Variants in PLA2G4C observed in about 807,000 individuals in gnomAD.
The protein encoded by PLA2G4C is cytosolic phospholipase A2 gamma.
A neutral mutation model predicts 73.8 loss-of-function variants in PLA2G4C; 64 were observed. The observed-to-expected ratio is 0.87, with a 90% confidence interval of 0.71 to 1.07. PLA2G4C has a LOEUF of 1.07. Among genes scored for constraint, PLA2G4C ranks in the 50% least tolerant of loss-of-function variants. The probability of loss-of-function intolerance (pLI) is 0.00; values close to 1 mark genes in which losing one functional copy is unlikely to be tolerated. For missense variants in PLA2G4C, 622 were observed against 665.4 expected (o/e 0.93, Z 0.72); for synonymous variants, 254 against 252.1 (o/e 1.01, Z -0.07).
intron 16 of PLA2G4C, chr19:48,051,705 A>G (rs998257994): frequency 6.6e-6 from 1 of 151,974 alleles, no homozygotes; most frequent in African/African-American, 2.4e-5. Context: ...CTCTCTTGAC[A>G]TGTGGGGATT....
In PLA2G4C at chr19:48,098,212, C is replaced by T. The variant is rs767685881; in HGVS notation, c.495G>A (p.Gly165=). 3 of 1,613,768 alleles carry T rather than the reference C, an allele frequency of 1.9e-6. No homozygotes were observed. Among genetic ancestry groups the T allele is most frequent in the South Asian group, 2.2e-5 (2 of 91,004 alleles). The change falls in exon 6 of 17, where the codon GGG becomes GGA. Residue 165 remains glycine, a synonymous_variant. Transcript: ENST00000599921. ...LSNMKKPVEE[G]TLPYPIFAAI... ...CTGCAAATATTGGGTAGGGTAGTGT[C>T]CCTTCTTCCACGGGCTTCTTCATAT...
chr19:48,088,040 CAT>C (rs2031086141), intron 9 of PLA2G4C, among the ~76,000 whole-genome samples: 3 of 152,196 alleles, frequency 2.0e-5, no homozygotes, highest in African/African-American at 4.8e-5. Context: ...CATTTACTCA[CAT>C]GTTTTGGCCA....
At chr19:48,063,331 G>A (rs376648933) in intron 13 of PLA2G4C, among the ~76,000 whole-genome samples, 23 of 151,974 alleles carry the variant, frequency 1.5e-4, no homozygotes, top group African/African-American at 4.3e-4. Flanking sequence ...CGTGAGCCAC[G>A]GGCCGGCCAA....
chr19:48,085,200 A>C, intron 9 of PLA2G4C, 88 bp from the exon 10 acceptor site: 1 of 898,570 alleles, frequency 1.1e-6, no homozygotes, highest in Admixed American at 1.8e-5. Context: ...ACTGGCATAA[A>C]GCACTGCAGG....
chr19:48,106,558 C>T lies in PLA2G4C; in HGVS notation c.-29G>A, dbSNP rs539889727. The stretch of plus-strand genomic sequence containing the variant: ...GCACTGCGGTCAGAAAATTCTCAGT[C>T]CTCCTGCCAAAGAAATGGCTCTTCT... On this transcript the variant is annotated 5_prime_UTR_variant, in exon 2 of 17. Transcript: ENST00000599921. 2.5e-6 allele frequency: 4 copies of T among 1,613,068 alleles called. No individual in the cohort carries two copies. Among genetic ancestry groups the T allele is most frequent in the Non-Finnish European group, 3.4e-6 (4 of 1,179,014 alleles).
chr19:48,058,960 C>T lies in PLA2G4C; in HGVS notation c.1257+3038G>A, dbSNP rs371291969. 5.9e-5 allele frequency among the ~76,000 whole-genome samples: 9 copies of T among 151,976 alleles called. No homozygotes were observed. In the East Asian group the frequency reaches 1.2e-3, roughly 20 times the overall value. On this transcript the variant is annotated intron_variant, in intron 14 of 16. Transcript: ENST00000599921. ...ACAATCAGGTTCTGTTAAATTGTTA[C>T]AGATATGTCTTGCTTAAATTTCTGT... is the stretch of plus-strand genomic sequence containing the variant.
rs141102692 is a variant in PLA2G4C at position 48,092,034 on chromosome 19, G to A, written c.710-1617C>T. On this transcript the variant is annotated intron_variant, in intron 7 of 16. Coordinates refer to ENST00000599921, the MANE Select transcript of PLA2G4C (RefSeq NM_003706.3). ...CAGAATATAAAATGGTACAGCCACT[G>A]TGGAAAATGGTATGGTCGTTCCTCA... 5.1e-3 allele frequency among the ~76,000 whole-genome samples: 777 copies of A among 151,484 alleles called. 6 individuals carry two copies. Among genetic ancestry groups the A allele is most frequent in the African/African-American group, 0.017 (706 of 41,200 alleles).
rs777024341 is a variant in PLA2G4C, at chr19:48,099,827, G to A, written c.291C>T (p.Asp97=). The change falls in exon 5 of 17, where the codon GAC becomes GAT. Residue 97 remains aspartate (D), a synonymous_variant. Coordinates refer to ENST00000599921, the MANE Select transcript of PLA2G4C (RefSeq NM_003706.3). ...AISSLYTNDG[D]MEALEADLKH... ...TCAGGTCAGCCTCGAGAGCTTCCAT[G>A]TCACCATCATTGGTGTAGAGAGAAG... The A allele has an allele frequency of 8.1e-6, 13 of 1,613,738 alleles. No individual in the cohort carries two copies. In the South Asian group the frequency reaches 9.9e-5, roughly 12 times the overall value.
At chr19:48,055,809 T>C (rs1279482618) in intron 14 of PLA2G4C, among the ~76,000 whole-genome samples, 1 of 151,750 alleles carries the variant, frequency 6.6e-6, no homozygotes, top group Non-Finnish European at 1.5e-5. Flanking sequence ...TAATTTCATA[T>C]ATTTAGTAGA....
intron 15 of PLA2G4C, among the ~76,000 whole-genome samples, chr19:48,053,371 T>TTC (rs1967803470): frequency 1.4e-5 from 2 of 144,754 alleles, no homozygotes; most frequent in African/African-American, 2.6e-5. Flanking sequence ...TTTCTTTTTT[T>TTC]TTTTTTTTTT....
At chr19:48,056,407 G>C (rs1406848893) in intron 14 of PLA2G4C, among the ~76,000 whole-genome samples, 1 of 152,112 alleles carries the variant, frequency 6.6e-6, no homozygotes, top group Non-Finnish European at 1.5e-5. Flanking sequence ...AATTAGCCAG[G>C]CATGTTAGCA....
intron 16 of PLA2G4C, chr19:48,051,762 C>G (rs1017155743): frequency 9.9e-5 from 15 of 151,694 alleles, no homozygotes; most frequent in African/African-American, 3.6e-4. Flanking sequence ...CAAACCATAT[C>G]GATAGAGTAA....
chr19:48,081,301 G>A (rs920961047), intron 10 of PLA2G4C, among the ~76,000 whole-genome samples: 5 of 152,200 alleles, frequency 3.3e-5, no homozygotes, highest in African/African-American at 1.2e-4. Context: ...AAACTTGGAT[G>A]GAGGCCATCA....
In PLA2G4C at chr19:48,051,773, G is replaced by A. The variant is rs1195492083; in HGVS notation, c.1580+1224C>T. The A allele has an allele frequency of 9.9e-5, 15 of 151,740 alleles. 1 individual carries two copies. The highest frequency in any genetic ancestry group is 9.9e-4 in the Admixed American group (15 of 15,218). 9.4% of individuals were successfully genotyped at this position (151,740 alleles called of 1,614,324 possible). On this transcript the variant is annotated intron_variant, in intron 16 of 16. Transcript: ENST00000599921. ...GAGCCAAACCATATCGATAGAGTAA[G>A]TTACCTGTGGAGATATCTGTGGCCT...
At chr19:48,068,173 C>T (rs551663910) in intron 12 of PLA2G4C, among the ~76,000 whole-genome samples, 17 of 152,098 alleles carry the variant, frequency 1.1e-4, no homozygotes, top group Non-Finnish European at 1.8e-4. Flanking sequence ...GTGGTGGTGG[C>T]GCATGCCTGT....
rs2032196711 is a variant in PLA2G4C at position 48,105,934 on chromosome 19, C to CTTT, written c.9-491_9-490insAAA. Reference sequence around the variant, plus strand: ...CCCTCCCTCCCTCCCTCCCTCCCTCCCTCCCTCCCTCCCTTCTTTCTTTCT... The same window carrying CTTT: ...CCCTCCCTCCCTCCCTCCCTCCCTCCTTTCTCCCTCCCTCCCTTCTTTCTTTCT... On this transcript the variant is annotated intron_variant, in intron 2 of 16. Coordinates refer to ENST00000599921, the MANE Select transcript of PLA2G4C (RefSeq NM_003706.3). Among the ~76,000 whole-genome samples the CTTT allele has an allele frequency of 2.1e-4, 7 of 33,798 alleles. 1 individual carries two copies. The highest frequency in any genetic ancestry group is 6.3e-4 in the African/African-American group (3 of 4,764). The allele number at this position is 33,798 out of a possible 152,430, so 22.2% of individuals were successfully genotyped here.
intron 14 of PLA2G4C, 165 bp downstream of exon 14, chr19:48,061,833 G>T (rs753502664): frequency 8.7e-6 from 6 of 689,320 alleles, no homozygotes; most frequent in Non-Finnish European, 1.2e-5. Context: ...GGCCGACCGC[G>T]GGTGCTTCGG....
At chr19:48,110,391 A>G in intron 1 of PLA2G4C, 96 bp downstream of exon 1, 1 of 734,592 alleles carries the variant, frequency 1.4e-6, no homozygotes, top group Non-Finnish European at 2.0e-6. Context: ...ATAAAAAAGA[A>G]AAAGAAATCC....
intron 16 of PLA2G4C, among the ~76,000 whole-genome samples, chr19:48,050,673 C>CTTTTTTTT (rs5828330): frequency 8.9e-5 from 7 of 78,748 alleles, no homozygotes; most frequent in African/African-American, 1.7e-4. Context: ...GAGTATGTGA[C>CTTTTTTTT]TTTTTTTTTT....
Sources: allele counts gnomAD v4.1 joint callset (sites outside exome capture counted in the v4.1 genomes callset), GRCh38; gene constraint gnomAD v4.1.1; transcripts MANE v1.5; gene names NCBI Gene and HGNC (gene_info 2026-07-23, HGNC 2026-07-21).